The following DGKB variants were observed in gnomAD, a reference collection of about 807,000 sequenced individuals.
The protein encoded by DGKB is 90 kDa diacylglycerol kinase.
A neutral mutation model predicts 114.3 loss-of-function variants in DGKB; 67 were observed. The observed-to-expected ratio is 0.59, with a 90% CI of 0.48 to 0.72. The LOEUF is 0.72. Among genes scored for constraint, DGKB ranks in the 30% least tolerant of loss-of-function variants. The probability of loss-of-function intolerance (pLI) is 0.00; values close to 1 mark genes in which losing one functional copy is unlikely to be tolerated. For synonymous variants in DGKB, 398 were observed against 323.1 expected (o/e 1.23, Z -2.49); for missense variants, 907 against 975.2 (o/e 0.93, Z 0.93).
At chr7:14,607,350 C>A in intron 17 of DGKB, 84 bp downstream of exon 17, 2 of 741,578 alleles carry the variant, frequency 2.7e-6, no homozygotes, top group East Asian at 2.8e-5. Flanking sequence ...GTTCAAATAA[C>A]ATTATTTCTA....
intron 17 of DGKB, among the ~76,000 whole-genome samples, chr7:14,597,156 C>T (rs1231459719): frequency 4.6e-5 from 7 of 151,914 alleles, no homozygotes; most frequent in Admixed American, 2.6e-4. Flanking sequence ...TGCAGTGAGC[C>T]GAGATCCTGC....
intron 13 of DGKB, among the ~76,000 whole-genome samples, chr7:14,659,753 G>T (rs1293373711): frequency 6.7e-6 from 1 of 148,994 alleles, no homozygotes; most frequent in Non-Finnish European, 1.5e-5. Flanking sequence ...GCCCTGGCCA[G>T]AACTTCCAAC....
chr7:14,840,243 A>T (rs1398386430), intron 2 of DGKB, among the ~76,000 whole-genome samples: 1 of 151,360 alleles, frequency 6.6e-6, no homozygotes, highest in Non-Finnish European at 1.5e-5. Context: ...TCTCCTTTCC[A>T]CTTCTTGCAT....
intron 21 of DGKB, among the ~76,000 whole-genome samples, chr7:14,374,887 T>G (rs1342488716): frequency 4.6e-5 from 7 of 152,172 alleles, no homozygotes; most frequent in Admixed American, 4.6e-4. Context: ...TATTGCCGAA[T>G]GTCTCCTGAG....
intron 20 of DGKB, among the ~76,000 whole-genome samples, chr7:14,496,577 T>G (rs1168706057): frequency 6.6e-6 from 1 of 151,794 alleles, no homozygotes; most frequent in Non-Finnish European, 1.5e-5. Flanking sequence ...TGTGCTAGGT[T>G]CTGAAAAGAC....
intron 23 of DGKB, among the ~76,000 whole-genome samples, chr7:14,286,888 A>G (rs1403703621): frequency 6.6e-6 from 1 of 152,186 alleles, no homozygotes; most frequent in East Asian, 1.9e-4. Context: ...GGCATGAACA[A>G]TATGACATTT....
At chr7:14,533,968 T>C (rs1792009941) in intron 20 of DGKB, among the ~76,000 whole-genome samples, 1 of 152,060 alleles carries the variant, frequency 6.6e-6, no homozygotes, top group South Asian at 2.1e-4. Flanking sequence ...AAGCCTATGA[T>C]AGTACAAATC....
chr7:14,471,885 G>C (rs966490408), intron 21 of DGKB, among the ~76,000 whole-genome samples: 1 of 151,978 alleles, frequency 6.6e-6, no homozygotes, highest in African/African-American at 2.4e-5. Flanking sequence ...AGTTACTAAA[G>C]CCCAAGAAAG....
At chr7:14,189,367 T>C (rs1394224313) in intron 23 of DGKB, among the ~76,000 whole-genome samples, 1 of 152,180 alleles carries the variant, frequency 6.6e-6, no homozygotes, top group Non-Finnish European at 1.5e-5. Context: ...TACAAGACTC[T>C]TTATGTTAGC....
intron 2 of DGKB, among the ~76,000 whole-genome samples, chr7:14,780,223 A>C (rs1200460078): frequency 6.6e-6 from 1 of 152,188 alleles, no homozygotes; most frequent in Non-Finnish European, 1.5e-5. Flanking sequence ...TGACCCTGTG[A>C]TGGAGAGCCA....
chr7:14,757,489 T>TAC lies in DGKB; in HGVS notation c.147+164_147+165dup, dbSNP rs907852904. ...TTTATGGTGTGCATATATATATATATACACACACATACACATATACATACA... is the reference window on the plus strand; with the variant it reads ...TTTATGGTGTGCATATATATATATATACACACACACATACACATATACATACA... On this transcript the variant is annotated intron_variant, in intron 3 of 25. Transcript: ENST00000402815. 4.7e-4 allele frequency among the ~76,000 whole-genome samples: 71 copies of TAC among 151,590 alleles called. No individual in the cohort carries two copies. The South Asian group carries it at 9.1e-3, about 19-fold the overall frequency.
intron 9 of DGKB, among the ~76,000 whole-genome samples, chr7:14,689,199 A>ATTTTTTTTCTTTTTTTTTTTTTTT (rs1554599100): frequency 1.3e-5 from 1 of 76,566 alleles, no homozygotes; most frequent in Non-Finnish European, 2.6e-5. Flanking sequence ...AACTCCTCTT[A>ATTTTTTTTCTTTTTTTTTTTTTTT]TTTTTTTTTT....
intron 15 of DGKB, among the ~76,000 whole-genome samples, chr7:14,618,553 A>G (rs945077269): frequency 2.0e-5 from 3 of 151,594 alleles, no homozygotes; most frequent in Admixed American, 6.6e-5. Context: ...TATCTCTTGC[A>G]TGGTAAGAAG....
chr7:14,569,406 T>A (rs1218677188), intron 20 of DGKB, among the ~76,000 whole-genome samples: 1 of 152,220 alleles, frequency 6.6e-6, no homozygotes, highest in East Asian at 1.9e-4. Context: ...AGTTTCTAAA[T>A]GTCATCTTTT....
chr7:14,516,212 T>A (rs1215547104), intron 20 of DGKB, among the ~76,000 whole-genome samples: 1 of 152,174 alleles, frequency 6.6e-6, no homozygotes, highest in Non-Finnish European at 1.5e-5. Context: ...ACTCTAGTTA[T>A]GAGTAATATG....
intron 1 of DGKB, among the ~76,000 whole-genome samples, chr7:14,888,461 CGTACA>C (rs1780662076): frequency 6.6e-6 from 1 of 151,620 alleles, no homozygotes; most frequent in Non-Finnish European, 1.5e-5. Context: ...AATAAGGAGC[CGTACA>C]TCGGAAAGTT....
chr7:14,182,922 C>A (rs1433391809), intron 23 of DGKB, among the ~76,000 whole-genome samples: 1 of 152,162 alleles, frequency 6.6e-6, no homozygotes, highest in Middle Eastern at 3.2e-3. Flanking sequence ...GGGAGAAAGG[C>A]TGGAGCAGAG....
intron 23 of DGKB, among the ~76,000 whole-genome samples, chr7:14,273,396 A>G (rs1004772484): frequency 6.6e-6 from 1 of 152,102 alleles, no homozygotes; most frequent in Non-Finnish European, 1.5e-5. Flanking sequence ...AAGGTCTGAA[A>G]CAGGATACAT....
intron 23 of DGKB, among the ~76,000 whole-genome samples, chr7:14,293,195 T>G (rs1383747468): frequency 1.3e-5 from 2 of 152,162 alleles, no homozygotes; most frequent in African/African-American, 4.8e-5. Context: ...ATTGAATAAT[T>G]TGGGAATAAA....
Sources: allele counts gnomAD v4.1 joint callset (sites outside exome capture counted in the v4.1 genomes callset), GRCh38; gene constraint gnomAD v4.1.1; transcripts MANE v1.5; gene names NCBI Gene and HGNC (gene_info 2026-07-23, HGNC 2026-07-21).